Variants in C12orf76 observed in about 807,000 individuals in gnomAD.
C12orf76 encodes the protein uncharacterized protein C12orf76.
C12orf76 carries 6 observed loss-of-function variants against 6.8 expected under a neutral mutation model. The ratio of observed to expected loss-of-function variants is 0.88; its 90% confidence interval spans 0.48 to 1.73. C12orf76 has a LOEUF of 1.73. C12orf76 is among the 40% of genes most tolerant of loss of function. C12orf76 has a pLI of 0.01. For missense variants in C12orf76, 99 were observed against 98.2 expected, an observed-to-expected ratio of 1.01 and a Z score of -0.03; for synonymous variants, 56 against 43.7, an observed-to-expected ratio of 1.28 and a Z score of -1.11.
At chr12:110,057,503 G>A (rs1273405195) in intron 3 of C12orf76, among the ~76,000 whole-genome samples, 1 of 152,150 alleles carries the variant, frequency 6.6e-6, no homozygotes, top group East Asian at 1.9e-4. Flanking sequence ...CCCAAGAGGA[G>A]AATCTAATCA....
At chr12:110,059,083 A>G (rs1892725796) in exon 3 of C12orf76, 1 of 1,551,726 alleles carries the variant, frequency 6.4e-7, no homozygotes, top group Non-Finnish European at 8.7e-7. Flanking sequence ...GAACGCAGCC[A>G]TCTGGCTCCA....
upstream of C12orf76, among the ~76,000 whole-genome samples, chr12:110,068,291 AG>A (rs1284651645): frequency 6.9e-5 from 10 of 145,292 alleles, no homozygotes; most frequent in Non-Finnish European, 1.4e-4. Flanking sequence ...AAGAAGAAGA[AG>A]AAGAAGAAGA....
intron 2 of C12orf76, among the ~76,000 whole-genome samples, chr12:110,061,272 A>T (rs529248391): frequency 2.6e-5 from 4 of 152,006 alleles, no homozygotes; most frequent in South Asian, 2.1e-4. Flanking sequence ...TCCAGCACCT[A>T]TCAGTTGTCC....
upstream of C12orf76, among the ~76,000 whole-genome samples, chr12:110,068,158 C>T (rs573950371): frequency 2.6e-4 from 39 of 151,302 alleles, no homozygotes; most frequent in African/African-American, 8.7e-4. Flanking sequence ...GAGCCAAGAT[C>T]GCGCCATTGC....
upstream of C12orf76, chr12:110,050,949 C>T (rs1892564056): frequency 2.8e-6 from 2 of 711,758 alleles, no homozygotes; most frequent in South Asian, 1.5e-5. Flanking sequence ...GACCCAATGG[C>T]TACCTTTGGG....
upstream of C12orf76, among the ~76,000 whole-genome samples, chr12:110,071,969 G>C (rs946840764): frequency 6.6e-6 from 1 of 152,138 alleles, no homozygotes; most frequent in African/African-American, 2.4e-5. Context: ...ACATATTCAA[G>C]GGAAATGAGA....
At chr12:110,051,024 G>A, upstream of C12orf76, 1 of 777,158 alleles carries the variant, frequency 1.3e-6, no homozygotes, top group South Asian at 1.3e-5. Context: ...AATCTGCCAT[G>A]TTAAAGACAC....
At chr12:110,059,197 T>C in intron 2 of C12orf76, 1 of 1,532,804 alleles carries the variant, frequency 6.5e-7, no homozygotes, top group Non-Finnish European at 8.8e-7. Flanking sequence ...ACACAATTAA[T>C]TTTTGTGTGT....
Position 110,056,459 on chromosome 12 carries a change from A to G in C12orf76, n.664+730T>C, listed in dbSNP as rs117519046. ...TTTTACTGGGCCGGGGAGGATGGGT[A>G]AATTTTGGGGGTGTGGTGGTGCATG... On this transcript the variant is annotated intron_variant and non_coding_transcript_variant, in intron 4 of 4. Transcript: ENST00000309050. Among the ~76,000 whole-genome samples the G allele has an allele frequency of 1.9e-3, 289 of 152,110 alleles. 11 individuals are homozygous for G. In the East Asian group the frequency reaches 0.054, roughly 28 times the overall value.
chr12:110,068,307 GA>G (rs1892912298), upstream of C12orf76, among the ~76,000 whole-genome samples: 9 of 146,204 alleles, frequency 6.2e-5, no homozygotes, highest in Admixed American at 2.7e-4. Flanking sequence ...AGAAGAAGAA[GA>G]AGAAGAAGAA....
chr12:110,047,152 G>C (rs975492019), intron 1 of C12orf76, among the ~76,000 whole-genome samples: 1 of 152,144 alleles, frequency 6.6e-6, no homozygotes, highest in African/African-American at 2.4e-5. Flanking sequence ...GGGAAGGGAA[G>C]ACTTTGGCGA....
At chr12:110,070,566 C>T (rs1236572393), upstream of C12orf76, among the ~76,000 whole-genome samples, 1 of 152,104 alleles carries the variant, frequency 6.6e-6, no homozygotes, top group South Asian at 2.1e-4. Flanking sequence ...CCCTCTCTCA[C>T]TTTTTAGAGA....
chr12:110,055,590 G>C (rs772325977), intron 4 of C12orf76, among the ~76,000 whole-genome samples: 4 of 152,170 alleles, frequency 2.6e-5, no homozygotes, highest in Non-Finnish European at 4.4e-5. Flanking sequence ...CATCAAGACA[G>C]GGGAATTGCA....
At chr12:110,052,512 A>G (rs1892598093), upstream of C12orf76, among the ~76,000 whole-genome samples, 1 of 152,098 alleles carries the variant, frequency 6.6e-6, no homozygotes, top group Non-Finnish European at 1.5e-5. Flanking sequence ...GCTACTCTTT[A>G]TTGGGCACTT....
chr12:110,056,072 CAAA>C (rs112482731), intron 4 of C12orf76, among the ~76,000 whole-genome samples: 3 of 81,536 alleles, frequency 3.7e-5, no homozygotes. Context: ...GACTCTATCT[CAAA>C]AAAAAAAAAA....
At chr12:110,055,452 C>T (rs1892652470) in intron 4 of C12orf76, among the ~76,000 whole-genome samples, 1 of 152,120 alleles carries the variant, frequency 6.6e-6, no homozygotes, top group African/African-American at 2.4e-5. Flanking sequence ...GGTGATCCAC[C>T]CACCTCAGCC....
intron 1 of C12orf76, among the ~76,000 whole-genome samples, chr12:110,047,218 G>A (rs2137218631): frequency 6.6e-6 from 1 of 152,212 alleles, no homozygotes. Flanking sequence ...TCCTTCCAAA[G>A]CCAAAGCCAT....
At position 110,054,539 on chromosome 12, in the gene C12orf76, G is replaced by A. The variant is rs1892637933; in HGVS notation, n.664+2650C>T. On this transcript the variant is annotated intron_variant and non_coding_transcript_variant, in intron 4 of 4. Coordinates refer to the C12orf76 transcript ENST00000309050. This position sits in a 1 kb window ranked among gnomAD's most constrained non-coding sequence, Gnocchi z 4.4. ...ACAGAGAGTAGATTGGTAGTTGCAG[G>A]GGACAGAGGGAGGGAGAAATGGCGA... Among the ~76,000 whole-genome samples the A allele has an allele frequency of 6.6e-6, 1 of 152,110 alleles. No individual in the cohort carries two copies. Among genetic ancestry groups the A allele is most frequent in the Admixed American group, 6.6e-5 (1 of 15,256 alleles).
intron 3 of C12orf76, chr12:110,057,300 A>G: frequency 6.2e-7 from 1 of 1,601,010 alleles, no homozygotes; most frequent in South Asian, 1.1e-5. Flanking sequence ...ACAGCTCCTA[A>G]GGTTCCAGAG....
Sources: gnomAD v4.1 joint callset for allele counts (sites outside exome capture counted in the v4.1 genomes callset) on GRCh38, gnomAD v4.1.1 for gene constraint, Gnocchi (gnomAD v3.1) non-coding constraint, MANE v1.5 for transcripts, NCBI Gene and HGNC (gene_info 2026-07-23, HGNC 2026-07-21) for gene names.